Variants in APBA1 observed in about 807,000 individuals in gnomAD.
APBA1 encodes amyloid beta precursor protein binding family A member 1.
APBA1 carries 55 observed loss-of-function variants against 86.6 expected under a neutral mutation model. That is an observed-to-expected ratio of 0.64 (90% confidence interval 0.51 to 0.80). The LOEUF is 0.80. Ranked by LOEUF, APBA1 falls within the 30% of genes least tolerant of loss-of-function variation. The pLI, the probability that APBA1 is intolerant of heterozygous loss-of-function variation, is 0.00. For missense variants in APBA1, 1,090 were observed against 1,183.0 expected (o/e 0.92, Z 1.15); for synonymous variants, 511 against 493.9 (o/e 1.03, Z -0.46).
In APBA1 at chr9:69,511,878, T is replaced by A. The variant is rs1218127267; in HGVS notation, c.1200+4133A>T. On this transcript the variant is annotated intron_variant, in intron 2 of 12. Transcript: ENST00000265381. ...CATAGGCGGGAATTGAACAATGAGATCACATGGACACAGGAAGGGGAATAT... is the reference window on the plus strand; with the variant it reads ...CATAGGCGGGAATTGAACAATGAGAACACATGGACACAGGAAGGGGAATAT... Among the ~76,000 whole-genome samples, 44 of 143,396 alleles carry A rather than the reference T, an allele frequency of 3.1e-4. No individual in the cohort carries two copies. In the East Asian group the frequency reaches 8.5e-3, roughly 28 times the overall value. 94.1% of individuals were successfully genotyped at this position (143,396 alleles called of 152,430 possible).
At chr9:69,583,685 C>G (rs927283649) in intron 1 of APBA1, among the ~76,000 whole-genome samples, 1 of 152,182 alleles carries the variant, frequency 6.6e-6, no homozygotes, top group Admixed American at 6.5e-5. Flanking sequence ...AGTTTCTACC[C>G]TAACCATGCC....
At chr9:69,468,025 C>T in intron 4 of APBA1, 57 bp from the exon 5 acceptor site, 2 of 1,587,192 alleles carry the variant, frequency 1.3e-6, no homozygotes, top group South Asian at 1.1e-5. Flanking sequence ...CTGCCAACCC[C>T]CTCAATGGCA....
At chr9:69,500,071 A>G (rs899241776) in intron 2 of APBA1, among the ~76,000 whole-genome samples, 1 of 152,142 alleles carries the variant, frequency 6.6e-6, no homozygotes, top group African/African-American at 2.4e-5. Flanking sequence ...TGATTTAATC[A>G]GACCAACCCT....
At chr9:69,575,013 C>T (rs779087388) in intron 1 of APBA1, among the ~76,000 whole-genome samples, 2 of 152,244 alleles carry the variant, frequency 1.3e-5, no homozygotes, top group South Asian at 4.2e-4. Flanking sequence ...ACCTCCTGGG[C>T]TCAAGTGATC....
chr9:69,592,953 G>A (rs1373454782), intron 1 of APBA1, among the ~76,000 whole-genome samples: 1 of 152,166 alleles, frequency 6.6e-6, no homozygotes, highest in Middle Eastern at 3.2e-3. Flanking sequence ...ACATAGGAAT[G>A]TTATATCATT....
At chr9:69,440,934 A>T (rs1390901088) in intron 11 of APBA1, 62 bp downstream of exon 11, 2 of 1,579,120 alleles carry the variant, frequency 1.3e-6, no homozygotes. Flanking sequence ...CCACCCCCCC[A>T]GCCATGCTAC....
chr9:69,454,380 G>T (rs1428846444), intron 8 of APBA1, among the ~76,000 whole-genome samples: 1 of 152,176 alleles, frequency 6.6e-6, no homozygotes, highest in Non-Finnish European at 1.5e-5. Flanking sequence ...ATTAGTGGAT[G>T]CCCCTGGTGA....
chr9:69,510,370 T>G (rs977283053), intron 2 of APBA1, among the ~76,000 whole-genome samples: 1 of 148,798 alleles, frequency 6.7e-6, no homozygotes, highest in Non-Finnish European at 1.5e-5. Context: ...ACAAGGGATG[T>G]GAAGGACCTC....
At chr9:69,623,341 T>C (rs1361378787) in intron 1 of APBA1, among the ~76,000 whole-genome samples, 1 of 150,212 alleles carries the variant, frequency 6.7e-6, no homozygotes, top group Non-Finnish European at 1.5e-5. Context: ...ACTTCTCCTA[T>C]AGATTTTCTT....
At chr9:69,548,252 C>T (rs568968912) in intron 1 of APBA1, among the ~76,000 whole-genome samples, 48 of 152,260 alleles carry the variant, frequency 3.2e-4, no homozygotes, top group South Asian at 3.1e-3. Flanking sequence ...AAACTTCAGT[C>T]CTACAACCTC....
chr9:69,641,981 G>T (rs1002479389), intron 1 of APBA1, among the ~76,000 whole-genome samples: 1 of 152,154 alleles, frequency 6.6e-6, no homozygotes, highest in Non-Finnish European at 1.5e-5. Flanking sequence ...AAGTAGTTGG[G>T]ACTACAGGCA....
chr9:69,481,542 T>C (rs2133844981), intron 2 of APBA1, among the ~76,000 whole-genome samples: 1 of 151,902 alleles, frequency 6.6e-6, no homozygotes, highest in Admixed American at 6.5e-5. Context: ...ATGGTCATAC[T>C]GCCCAAGGTA....
intron 10 of APBA1, among the ~76,000 whole-genome samples, chr9:69,449,110 G>A (rs1359489662): frequency 6.6e-6 from 1 of 152,156 alleles, no homozygotes; most frequent in Non-Finnish European, 1.5e-5. Flanking sequence ...GTCTGAGGGA[G>A]GACAAACTCA....
intron 1 of APBA1, among the ~76,000 whole-genome samples, chr9:69,573,862 G>A (rs904164547): frequency 6.6e-6 from 1 of 152,176 alleles, no homozygotes. Flanking sequence ...TGTGAAATGG[G>A]AGTTCCTGAA....
chr9:69,533,529 C>G (rs899463921), intron 1 of APBA1, among the ~76,000 whole-genome samples: 3 of 152,142 alleles, frequency 2.0e-5, no homozygotes, highest in Non-Finnish European at 4.4e-5. Context: ...TTCTGTTCAG[C>G]TGCTGAAGGA....
At chr9:69,600,965 A>C (rs1822340445) in intron 1 of APBA1, among the ~76,000 whole-genome samples, 1 of 152,014 alleles carries the variant, frequency 6.6e-6, no homozygotes, top group Admixed American at 6.6e-5. Flanking sequence ...TAAAAAATTC[A>C]CAAATGTTTA....
intron 1 of APBA1, among the ~76,000 whole-genome samples, chr9:69,623,524 T>TG (rs1190092791): frequency 6.6e-6 from 1 of 152,114 alleles, no homozygotes; most frequent in African/African-American, 2.4e-5. Context: ...AGGAAGTGGA[T>TG]GGGTCAAAGA....
At position 69,523,497 on chromosome 9, in the gene APBA1, G is replaced by GTGTA. The variant is rs1836291798; in HGVS notation, c.-69-6219_-69-6218insTACA. ...TATATGTATATATATATATATATATGTATATATATATATATATATATATAT... is the reference window on the plus strand; with the variant it reads ...TATATGTATATATATATATATATATGTGTATATATATATATATATATATATATAT... On this transcript the variant is annotated intron_variant, in intron 1 of 12. Transcript: ENST00000265381. 2.9e-4 allele frequency among the ~76,000 whole-genome samples: 9 copies of GTGTA among 30,906 alleles called. No homozygotes were observed. The South Asian group carries it at 4.7e-3, about 16-fold the overall frequency. The allele number at this position is 30,906 out of a possible 152,430, so 20.3% of individuals were successfully genotyped here.
chr9:69,517,621 C>T (rs1836189862), intron 1 of APBA1, among the ~76,000 whole-genome samples: 1 of 152,194 alleles, frequency 6.6e-6, no homozygotes, highest in Admixed American at 6.5e-5. Flanking sequence ...CCAACTGACA[C>T]ATTTTCCATC....
Sources: allele counts gnomAD v4.1 joint callset (sites outside exome capture counted in the v4.1 genomes callset), GRCh38; gene constraint gnomAD v4.1.1; transcripts MANE v1.5; gene names NCBI Gene and HGNC (gene_info 2026-07-23, HGNC 2026-07-21).